STX18: variants seen among roughly 807,000 people sequenced by gnomAD.
The protein encoded by STX18 is syntaxin-18.
Under a neutral mutation model 50.1 loss-of-function variants are expected in STX18, and 40 were observed. That is an observed-to-expected ratio of 0.80 (90% CI 0.62 to 1.04). The LOEUF (loss-of-function observed/expected upper bound fraction) is 1.04, where lower values mean the gene tolerates loss of function less well. Ranked by LOEUF, STX18 falls within the 50% of genes least tolerant of loss-of-function variation. The pLI, the probability that STX18 is intolerant of heterozygous loss-of-function variation, is 0.00. For missense variants in STX18, 410 were observed against 415.8 expected, an observed-to-expected ratio of 0.99 and a Z score of 0.12; for synonymous variants, 158 against 151.8, an observed-to-expected ratio of 1.04 and a Z score of -0.30.
intron 5 of STX18, among the ~76,000 whole-genome samples, chr4:4,442,178 AAT>A (rs1726146682): frequency 6.6e-6 from 1 of 152,248 alleles, no homozygotes. Flanking sequence ...ATATGTATTT[AAT>A]ATATGATATG....
rs116643972 is a variant in STX18 at position 4,499,500 on chromosome 4, G to A, written c.169-27794C>T. 374 of 985,336 alleles carry A rather than the reference G, an allele frequency of 3.8e-4. 2 individuals carry two copies. In the African/African-American group the frequency reaches 5.9e-3, roughly 15 times the overall value. The allele number at this position is 985,336 out of a possible 1,614,324, so 61.0% of individuals were successfully genotyped here. ...TTCATATGCACAGATGCTTGCCCAC[G>A]TTGTACTGCAAAGAAACAGCAAAAT... On this transcript the variant is annotated intron_variant, in intron 1 of 10. Transcript: ENST00000306200.
intron 2 of STX18, among the ~76,000 whole-genome samples, chr4:4,466,905 G>A (rs1727645467): frequency 2.0e-5 from 3 of 152,166 alleles, no homozygotes; most frequent in Admixed American, 6.5e-5. Flanking sequence ...TTAAAAGCCA[G>A]TTTGGTGGGC....
At chr4:4,503,953 G>C (rs973289458) in intron 1 of STX18, among the ~76,000 whole-genome samples, 1 of 152,108 alleles carries the variant, frequency 6.6e-6, no homozygotes, top group Non-Finnish European at 1.5e-5. Flanking sequence ...AATTATAGAT[G>C]TCAGATTAAT....
chr4:4,521,042 AT>A (rs1213705279), intron 1 of STX18, among the ~76,000 whole-genome samples: 3 of 152,178 alleles, frequency 2.0e-5, no homozygotes, highest in Admixed American at 2.0e-4. Context: ...ACCTGACTTC[AT>A]TTACCAAAGA....
rs146257510 is a variant in STX18 at position 4,420,921 on chromosome 4, G to A, written c.855C>T (p.His285=). The A allele has an allele frequency of 5.6e-4, 909 of 1,614,138 alleles. 4 individuals carry two copies. In the African/African-American group the frequency reaches 0.011, roughly 20 times the overall value. The change falls in exon 10 of 11, where the codon CAC becomes CAT. Residue 285 remains histidine, a synonymous_variant. Transcript: ENST00000306200. The surrounding 1 kb of genome is among the most constrained non-coding windows in gnomAD (Gnocchi z 4.3). ...LQQEAEIDSI[H]QLVVGATENI... Reference sequence around the variant, plus strand: ...TTTCAGTTGCCCCCACAACTAACTGGTGAATGCTGTCAATCTCAGCTTCCT... The same window carrying A: ...TTTCAGTTGCCCCCACAACTAACTGATGAATGCTGTCAATCTCAGCTTCCT...
At chr4:4,458,121 G>A (rs1161340587) in intron 3 of STX18, among the ~76,000 whole-genome samples, 1 of 152,186 alleles carries the variant, frequency 6.6e-6, no homozygotes, top group Non-Finnish European at 1.5e-5. Context: ...CTGCGTGCAG[G>A]TACTCTGCTA....
Position 4,482,461 on chromosome 4 carries a change from C to T in STX18, c.169-10755G>A, listed in dbSNP as rs146385903. On this transcript the variant is annotated intron_variant, in intron 1 of 10. Transcript: ENST00000306200. ...ACGGCCCCAAAGAGAAAGTCTTCAT[C>T]CTTTCTAGATTCCAAGTTAGAACAC... is the stretch of plus-strand genomic sequence containing the variant. Among the ~76,000 whole-genome samples, 1,410 of 152,298 alleles carry T rather than the reference C, an allele frequency of 9.3e-3. 28 individuals carry two copies. Among genetic ancestry groups the T allele is most frequent in the African/African-American group, 0.031 (1,278 of 41,560 alleles).
intron 5 of STX18, among the ~76,000 whole-genome samples, chr4:4,439,173 C>A (rs545769155): frequency 1.7e-5 from 2 of 118,492 alleles, no homozygotes; most frequent in Non-Finnish European, 3.3e-5. Flanking sequence ...ATATATAACC[C>A]CCTACATACA....
chr4:4,438,184 G>A (rs1461329001), intron 6 of STX18, among the ~76,000 whole-genome samples: 4 of 152,206 alleles, frequency 2.6e-5, no homozygotes, highest in African/African-American at 7.2e-5. Context: ...CAGCTCCCAG[G>A]TGACTGGGTG....
intron 1 of STX18, among the ~76,000 whole-genome samples, chr4:4,489,736 C>T (rs1728861683): frequency 6.6e-6 from 1 of 151,894 alleles, no homozygotes; most frequent in Non-Finnish European, 1.5e-5. Context: ...TACAAAGTAA[C>T]ACAAAATAAT....
intron 6 of STX18, among the ~76,000 whole-genome samples, chr4:4,436,946 CTCACTTTTTTTTTT>C (rs1221166169): frequency 1.4e-5 from 2 of 140,186 alleles, no homozygotes; most frequent in African/African-American, 2.9e-5. Flanking sequence ...CAGGTCCAGA[CTCACTTTTTTTTTT>C]TTTTTTTTTT....
At chr4:4,435,247 CAT>C (rs1725715389) in intron 6 of STX18, among the ~76,000 whole-genome samples, 1 of 152,008 alleles carries the variant, frequency 6.6e-6, no homozygotes, top group African/African-American at 2.4e-5. Context: ...GACTGTAAGA[CAT>C]ATTTTTATTG....
chr4:4,460,642 C>G (rs1390010243), intron 2 of STX18, among the ~76,000 whole-genome samples: 1 of 152,164 alleles, frequency 6.6e-6, no homozygotes, highest in Non-Finnish European at 1.5e-5. Flanking sequence ...AAAAGAAATC[C>G]CACAGCCTCC....
At chr4:4,472,458 T>A (rs1727971036) in intron 1 of STX18, among the ~76,000 whole-genome samples, 1 of 152,216 alleles carries the variant, frequency 6.6e-6, no homozygotes, top group Admixed American at 6.5e-5. Context: ...TCTGACGACG[T>A]CTTACTCCAG....
rs1425797157 is a variant in STX18 at position 4,523,665 on chromosome 4, G to A, written c.168+18132C>T. 2.0e-5 allele frequency among the ~76,000 whole-genome samples: 3 copies of A among 152,150 alleles called. 1 individual carries two copies. The South Asian group carries it at 6.2e-4, about 31-fold the overall frequency. ...GCTCTATAGTAACGAGCTGAGTTCA[G>A]GTCCTTGCTGTATCTTGACTAGACT... is the stretch of plus-strand genomic sequence containing the variant. On this transcript the variant is annotated intron_variant, in intron 1 of 10. Coordinates refer to ENST00000306200, the MANE Select transcript of STX18 (RefSeq NM_016930.4).
chr4:4,526,749 G>C (rs548996738), intron 1 of STX18, among the ~76,000 whole-genome samples: 1 of 148,748 alleles, frequency 6.7e-6, no homozygotes, highest in Non-Finnish European at 1.5e-5. Context: ...GCAGGAGGAC[G>C]CTTGAGCCCA....
chr4:4,539,191 C>T (rs766186147), intron 1 of STX18, among the ~76,000 whole-genome samples: 5 of 152,112 alleles, frequency 3.3e-5, no homozygotes, highest in Non-Finnish European at 7.4e-5. Flanking sequence ...GAAATTGAAC[C>T]AGATAAAACG....
chr4:4,510,036 G>A (rs1249315475), intron 1 of STX18, among the ~76,000 whole-genome samples: 1 of 152,090 alleles, frequency 6.6e-6, no homozygotes. Flanking sequence ...GTTTCAAAGA[G>A]GTCTGACCTG....
chr4:4,539,737 C>T (rs1317607120), intron 1 of STX18, among the ~76,000 whole-genome samples: 6 of 152,186 alleles, frequency 3.9e-5, no homozygotes, highest in Admixed American at 3.3e-4. Flanking sequence ...TAATCACTTC[C>T]AGTGACAGGG....
Sources: allele counts gnomAD v4.1 joint callset (sites outside exome capture counted in the v4.1 genomes callset), GRCh38; gene constraint gnomAD v4.1.1; non-coding constraint Gnocchi (gnomAD v3.1); transcripts MANE v1.5; gene names NCBI Gene and HGNC (gene_info 2026-07-23, HGNC 2026-07-21).